RASA3: variants seen among roughly 807,000 people sequenced by gnomAD.
The protein encoded by RASA3 is ras GTPase-activating protein 3.
In RASA3, 73 loss-of-function variants were observed where a neutral mutation model predicts 110.0. The observed-to-expected ratio is 0.66, with a 90% CI of 0.55 to 0.81. The LOEUF (loss-of-function observed/expected upper bound fraction) is 0.81. RASA3 is among the 30% of genes least tolerant of loss of function. RASA3 has a pLI of 0.00. For missense variants in RASA3, 976 were observed against 1,113.2 expected, an observed-to-expected ratio of 0.88 and a Z score of 1.75; for synonymous variants, 500 against 451.4, an observed-to-expected ratio of 1.11 and a Z score of -1.37.
At position 114,115,719 on chromosome 13, in the gene RASA3, C is replaced by T. The variant is rs540149309; in HGVS notation, c.55+16716G>A. 4.6e-5 allele frequency among the ~76,000 whole-genome samples: 7 copies of T among 152,240 alleles called. No homozygotes were observed. The South Asian group carries it at 8.3e-4, about 18-fold the overall frequency. Reference sequence around the variant, plus strand: ...AACCGGTCCAGAGGTCAGAAACAGCCGCAGTCTCCTACCTCTATTGCTTCT... The same window carrying T: ...AACCGGTCCAGAGGTCAGAAACAGCTGCAGTCTCCTACCTCTATTGCTTCT... On this transcript the variant is annotated intron_variant, in intron 1 of 23. Transcript: ENST00000334062. The surrounding 1 kb of genome is among the most constrained non-coding windows in gnomAD (Gnocchi z 5.0).
intron 14 of RASA3, 64 bp downstream of exon 14, chr13:114,015,145 G>A (rs1293445106): frequency 6.3e-7 from 1 of 1,591,798 alleles, no homozygotes. Flanking sequence ...CTGCCTGGGT[G>A]GGAGTCACCC....
At chr13:113,980,336 ATG>A (rs1566437146) in intron 23 of RASA3, among the ~76,000 whole-genome samples, 2 of 118,612 alleles carry the variant, frequency 1.7e-5, no homozygotes, top group Non-Finnish European at 3.3e-5. Flanking sequence ...CTTCTCCCAC[ATG>A]TGTGCACCTC....
In RASA3 at chr13:114,083,580, CG is replaced by C. The variant is rs2079817924; in HGVS notation, c.56-9744del. The stretch of plus-strand genomic sequence containing the variant: ...CGGGGAAGTGGTGAGTCTGGAGTAT[CG>C]ACTCCCTTCGTCCTCGCGGGGAAAT... On this transcript the variant is annotated intron_variant, in intron 1 of 23. Transcript: ENST00000334062. Among the ~76,000 whole-genome samples the C allele has an allele frequency of 2.1e-5, 3 of 140,956 alleles. No individual in the cohort carries two copies. The East Asian group carries it at 6.4e-4, about 30-fold the overall frequency. The allele number at this position is 140,956 out of a possible 152,430, so 92.5% of individuals were successfully genotyped here.
At chr13:114,128,900 C>T (rs1160839953) in intron 1 of RASA3, among the ~76,000 whole-genome samples, 1 of 152,060 alleles carries the variant, frequency 6.6e-6, no homozygotes, top group Non-Finnish European at 1.5e-5. Context: ...GTGCGAGAGC[C>T]TTTCCCGCCC....
At chr13:114,117,607 G>A (rs533006524) in intron 1 of RASA3, among the ~76,000 whole-genome samples, 8 of 139,506 alleles carry the variant, frequency 5.7e-5, no homozygotes, top group African/African-American at 2.2e-4. Context: ...GGGTGAGCAC[G>A]TGTGTGAGGG....
At chr13:114,060,315 C>A (rs144658263) in intron 2 of RASA3, among the ~76,000 whole-genome samples, 2,080 of 152,262 alleles carry the variant, frequency 0.014, 15 homozygotes, top group Non-Finnish European at 0.022. Context: ...CAGGCCCGTG[C>A]AAGACACTGG....
chr13:114,108,580 C>G (rs2080173542), intron 1 of RASA3: 1 of 151,974 alleles, frequency 6.6e-6, no homozygotes, highest in Non-Finnish European at 1.5e-5. Context: ...CCCGCGTCCG[C>G]CATCCACATC....
At chr13:114,045,711 C>T (rs1266007598) in intron 3 of RASA3, among the ~76,000 whole-genome samples, 10 of 152,208 alleles carry the variant, frequency 6.6e-5, no homozygotes, top group Non-Finnish European at 1.5e-4. Flanking sequence ...AGTGTGGAGA[C>T]GTCGACTGCG....
At chr13:114,092,984 T>TA (rs931696838) in intron 1 of RASA3, among the ~76,000 whole-genome samples, 13 of 152,090 alleles carry the variant, frequency 8.5e-5, no homozygotes, top group South Asian at 2.1e-4. Context: ...CCTTTGATTG[T>TA]AAAAAAAAGA....
At chr13:113,998,716 G>A (rs924615383) in intron 20 of RASA3, among the ~76,000 whole-genome samples, 4 of 152,226 alleles carry the variant, frequency 2.6e-5, no homozygotes, top group Admixed American at 6.5e-5. Flanking sequence ...CGGCACATCC[G>A]ACAAACCCAC....
In RASA3 at chr13:114,018,194, G is replaced by A. The variant is rs747880736; in HGVS notation, c.1001C>T (p.Ala334Val). ...GAAGAGCCGCACCAGCGGGACGGCC[G>A]CCTCCTGCTTCTCCCGGCAAACCTC... ...LGEVCREKQEAAVPLVRLFLH... is the reference protein window; with the variant it reads ...LGEVCREKQEVAVPLVRLFLH... Residue 334 changes from alanine to valine, a missense_variant, in exon 11 of 24, where the codon GCG becomes GTG. Coordinates refer to ENST00000334062, the MANE Select transcript of RASA3 (RefSeq NM_007368.4). 1.3e-6 allele frequency: 2 copies of A among 1,552,808 alleles called. No individual in the cohort carries two copies. The highest frequency in any genetic ancestry group is 2.4e-5 in the East Asian group (1 of 41,024).
At chr13:114,060,984 G>T (rs977106105) in intron 2 of RASA3, among the ~76,000 whole-genome samples, 1 of 144,802 alleles carries the variant, frequency 6.9e-6, no homozygotes, top group African/African-American at 2.9e-5. Flanking sequence ...CCCCACAGCC[G>T]GCAGACGGAG....
At chr13:114,095,505 C>A (rs1328111215) in intron 1 of RASA3, among the ~76,000 whole-genome samples, 2 of 152,228 alleles carry the variant, frequency 1.3e-5, no homozygotes, top group Non-Finnish European at 2.9e-5. Flanking sequence ...GCCTCCTGCA[C>A]CTGGCTTCCT....
In RASA3 at chr13:113,984,229, T is replaced by C. The variant is rs1350107339; in HGVS notation, c.2246-2371A>G. Among the ~76,000 whole-genome samples, 2 of 96,466 alleles carry C rather than the reference T, an allele frequency of 2.1e-5. 1 individual carries two copies. Among genetic ancestry groups the C allele is most frequent in the Non-Finnish European group, 4.7e-5 (2 of 42,800 alleles). 63.3% of individuals were successfully genotyped at this position (96,466 alleles called of 152,430 possible). A position where few individuals can be genotyped will look rare whatever the true frequency, so the allele number is the denominator to read the frequency against. On this transcript the variant is annotated intron_variant, in intron 22 of 23. Transcript: ENST00000334062. Reference sequence around the variant, plus strand: ...CATCTGTCCATCCATCACTCACCCATCTGTCCATCCATCCATTACTCACCC... The same window carrying C: ...CATCTGTCCATCCATCACTCACCCACCTGTCCATCCATCCATTACTCACCC...
chr13:114,102,081 G>A (rs1307224178), intron 1 of RASA3, among the ~76,000 whole-genome samples: 1 of 152,210 alleles, frequency 6.6e-6, no homozygotes, highest in Non-Finnish European at 1.5e-5. Context: ...GAGACCCCCA[G>A]ACTGCATACA....
At chr13:114,002,104 G>C (rs982346473) in intron 18 of RASA3, among the ~76,000 whole-genome samples, 5 of 152,256 alleles carry the variant, frequency 3.3e-5, no homozygotes, top group South Asian at 2.1e-4. Context: ...AGCTGGAGGA[G>C]AAGAAAGTGG....
chr13:114,102,219 T>TGGTAGGCGGGCAGCAGGTGGGC (rs565416835), intron 1 of RASA3, among the ~76,000 whole-genome samples: 1 of 150,890 alleles, frequency 6.6e-6, no homozygotes, highest in Non-Finnish European at 1.5e-5. Flanking sequence ...AGCGGGCGGG[T>TGGTAGGCGGGCAGCAGGTGGGC]GGTAGGCGGG....
intron 22 of RASA3, among the ~76,000 whole-genome samples, chr13:113,989,230 C>G (rs2053043791): frequency 7.1e-6 from 1 of 141,814 alleles, no homozygotes. Context: ...TCTACCCATC[C>G]ATCCATCCAC....
intron 1 of RASA3, among the ~76,000 whole-genome samples, chr13:114,092,800 T>G (rs2079903069): frequency 6.6e-6 from 1 of 152,220 alleles, no homozygotes; most frequent in South Asian, 2.1e-4. Context: ...TCTGTCTCTC[T>G]CTTTAGATAT....
Sources: gnomAD v4.1 joint callset for allele counts (sites outside exome capture counted in the v4.1 genomes callset) on GRCh38, gnomAD v4.1.1 for gene constraint, Gnocchi (gnomAD v3.1) non-coding constraint, MANE v1.5 for transcripts, NCBI Gene and HGNC (gene_info 2026-07-23, HGNC 2026-07-21) for gene names.